The following CAMKK1 variants were observed in gnomAD, a reference collection of about 807,000 sequenced individuals.
The protein encoded by CAMKK1 is calcium/calmodulin-dependent protein kinase kinase 1.
Under a neutral mutation model 63.5 loss-of-function variants are expected in CAMKK1, and 20 were observed. That is an observed-to-expected ratio of 0.32 (90% CI 0.22 to 0.46). The LOEUF (loss-of-function observed/expected upper bound fraction) is 0.46. CAMKK1 is among the 20% of genes least tolerant of loss of function. CAMKK1 has a pLI of 1.00. For synonymous variants in CAMKK1, 253 were observed against 269.0 expected (o/e 0.94, Z 0.58); for missense variants, 588 against 658.1 (o/e 0.89, Z 1.17).
Position 3,885,218 on chromosome 17 carries a change from G to C in CAMKK1, c.360+110C>G, listed in dbSNP as rs185111466. On this transcript the variant is annotated intron_variant, in intron 2 of 15. Coordinates refer to ENST00000348335, the MANE Select transcript of CAMKK1 (RefSeq NM_032294.3). ...GGTAGTGATCTCCCCAGCTCTGAGG[G>C]TATGCAAACCAAAGCTAGATAGCCG... 2.3e-5 allele frequency: 28 copies of C among 1,242,856 alleles called. No individual in the cohort carries two copies. The East Asian group carries it at 6.9e-4, about 30-fold the overall frequency. 77.0% of individuals were successfully genotyped at this position (1,242,856 alleles called of 1,614,324 possible).
At position 3,882,396 on chromosome 17, in the gene CAMKK1, G is replaced by T. The variant is rs1269179491; in HGVS notation, c.685+132C>A. On this transcript the variant is annotated intron_variant, in intron 7 of 15. Coordinates refer to ENST00000348335, the MANE Select transcript of CAMKK1 (RefSeq NM_032294.3). The surrounding 1 kb of genome is among the most constrained non-coding windows in gnomAD (Gnocchi z 4.3). ...CTGGGCAAGGGAATCCAGGGCTTCA[G>T]AACGTGTGTTTTTCTTCTGTCCCCA... 1 of 1,597,736 alleles carries T rather than the reference G, an allele frequency of 6.3e-7. No individual in the cohort carries two copies. Among genetic ancestry groups the T allele is most frequent in the Non-Finnish European group, 8.6e-7 (1 of 1,165,332 alleles).
rs1327988179 is a variant in CAMKK1, at chr17:3,889,800, G to A, written c.-44+3139C>T. Among the ~76,000 whole-genome samples, 2 of 152,254 alleles carry A rather than the reference G, an allele frequency of 1.3e-5. No homozygotes were observed. The highest frequency in any genetic ancestry group is 2.4e-5 in the African/African-American group (1 of 41,530). ...CAAGGAATGTGGGCCCCCGGCTCCA[G>A]ACGCCCACTTGGCCTGGCTTCTTCC... is the stretch of plus-strand genomic sequence containing the variant. On this transcript the variant is annotated intron_variant, in intron 1 of 15. Coordinates refer to ENST00000348335, the MANE Select transcript of CAMKK1 (RefSeq NM_032294.3). The surrounding 1 kb of genome is among the most constrained non-coding windows in gnomAD (Gnocchi z 5.2).
At position 3,890,537 on chromosome 17, in the gene CAMKK1, C is replaced by T. The variant is rs190865773; in HGVS notation, c.-44+2402G>A. Among the ~76,000 whole-genome samples the T allele has an allele frequency of 6.6e-6, 1 of 152,302 alleles. No homozygotes were observed. Among genetic ancestry groups the T allele is most frequent in the African/African-American group, 2.4e-5 (1 of 41,556 alleles). The stretch of plus-strand genomic sequence containing the variant: ...ACAGGCCCCAGATTCAACTCAGCAT[C>T]TTCCCCAAACCTGCTCGTCCTCCTC... On this transcript the variant is annotated intron_variant, in intron 1 of 15. Coordinates refer to ENST00000348335, the MANE Select transcript of CAMKK1 (RefSeq NM_032294.3). The surrounding 1 kb of genome is among the most constrained non-coding windows in gnomAD (Gnocchi z 6.5).
chr17:3,874,562 G>A (rs987162335), intron 10 of CAMKK1, among the ~76,000 whole-genome samples: 18 of 151,282 alleles, frequency 1.2e-4, no homozygotes, highest in Non-Finnish European at 2.1e-4. Flanking sequence ...TAGTAGAGAC[G>A]GGGTTTCACC....
At chr17:3,873,237 G>A (rs748344666) in intron 11 of CAMKK1, among the ~76,000 whole-genome samples, 172 bp downstream of exon 11, 15 of 152,188 alleles carry the variant, frequency 9.9e-5, no homozygotes, top group Admixed American at 7.9e-4. Context: ...CGCGAGAATC[G>A]CTCCGCAGGG....
chr17:3,882,706 G>T lies in CAMKK1; in HGVS notation c.649-142C>A. On this transcript the variant is annotated intron_variant, in intron 6 of 15. Coordinates refer to ENST00000348335, the MANE Select transcript of CAMKK1 (RefSeq NM_032294.3). The surrounding 1 kb of genome is among the most constrained non-coding windows in gnomAD (Gnocchi z 4.3). ...CAAGGAAGCAGGAAGTGTACAGGTGGTGCCAGACTGATGGGGCCTCAGAAG... is the reference window on the plus strand; with the variant it reads ...CAAGGAAGCAGGAAGTGTACAGGTGTTGCCAGACTGATGGGGCCTCAGAAG... The T allele has an allele frequency of 1.2e-6, 1 of 818,686 alleles. No individual in the cohort carries two copies. Among genetic ancestry groups the T allele is most frequent in the Non-Finnish European group, 2.0e-6 (1 of 507,956 alleles). The allele number at this position is 818,686 out of a possible 1,614,324, so 50.7% of individuals were successfully genotyped here.
intron 1 of CAMKK1, among the ~76,000 whole-genome samples, chr17:3,888,743 A>G (rs1002849354): frequency 6.6e-6 from 1 of 151,920 alleles, no homozygotes; most frequent in Non-Finnish European, 1.5e-5. Context: ...TCCCGCCTGG[A>G]TCAAATTCAG....
chr17:3,865,844 G>A (rs1014012059), intron 15 of CAMKK1, 64 bp downstream of exon 15: 4 of 1,601,728 alleles, frequency 2.5e-6, no homozygotes, highest in Non-Finnish European at 3.4e-6. Context: ...TGGGAGGATG[G>A]GCCTCAGACC....
In CAMKK1 at chr17:3,882,597, T is replaced by C; in HGVS notation, c.649-33A>G. 6.3e-7 allele frequency: 1 copy of C among 1,580,052 alleles called. No homozygotes were observed. Among genetic ancestry groups the C allele is most frequent in the Admixed American group, 1.8e-5 (1 of 55,034 alleles). ...GAGGGAGCAGACATGGGGGTGGGGC[T>C]TGAGGAGGCGTGGGGTTGGAGGTCC... On this transcript the variant is annotated intron_variant, in intron 6 of 15. Transcript: ENST00000348335. This position sits in a 1 kb window ranked among gnomAD's most constrained non-coding sequence, Gnocchi z 4.3.
At position 3,890,610 on chromosome 17, in the gene CAMKK1, C is replaced by T. The variant is rs534936669; in HGVS notation, c.-44+2329G>A. 1 of 778,976 alleles carries T rather than the reference C, an allele frequency of 1.3e-6. No individual in the cohort carries two copies. The highest frequency in any genetic ancestry group is 1.7e-5 in the African/African-American group (1 of 59,254). 48.3% of individuals were successfully genotyped at this position (778,976 alleles called of 1,614,324 possible). The stretch of plus-strand genomic sequence containing the variant: ...CCACACCCTCCCCATTCTTTCCTGA[C>T]CCAGGTCAGCAATCCGGGAGCCCTC... On this transcript the variant is annotated intron_variant, in intron 1 of 15. Transcript: ENST00000348335. This position sits in a 1 kb window ranked among gnomAD's most constrained non-coding sequence, Gnocchi z 6.5.
Position 3,876,388 on chromosome 17 carries a change from C to T in CAMKK1, c.831G>A (p.Lys277=), listed in dbSNP as rs762711219. The T allele has an allele frequency of 2.0e-5, 33 of 1,614,234 alleles. No individual in the cohort carries two copies. The East Asian group carries it at 7.4e-4, about 36-fold the overall frequency. Residue 277 remains lysine, a synonymous_variant, in exon 10 of 16, where the codon AAG becomes AAA. Transcript: ENST00000348335. ...HCQKIVHRDI[K]PSNLLLGDDG... ...CATCCCCCAGGAGCAGGTTGGATGG[C>T]TTGATGTCCCTGTGGACGATCTTCT...
chr17:3,869,641 AG>A (rs1567615659), intron 13 of CAMKK1, 26 bp from the exon 14 acceptor site: 30 of 1,613,802 alleles, frequency 1.9e-5, no homozygotes, highest in Admixed American at 6.7e-5. Flanking sequence ...GGGCAGGGAG[AG>A]GGGGAGAGGT....
At position 3,866,031 on chromosome 17, in the gene CAMKK1, G is replaced by T. The variant is rs556365899; in HGVS notation, c.1342-20C>A. ...CAGGATCTGAGGAGGACAAGGCAGC[G>T]TGAGGAGCACAGGTCCCAGGCTCCC... is the stretch of plus-strand genomic sequence containing the variant. On this transcript the variant is annotated intron_variant, in intron 14 of 15. Transcript: ENST00000348335. 20 of 1,612,204 alleles carry T rather than the reference G, an allele frequency of 1.2e-5. No homozygotes were observed. Among genetic ancestry groups the T allele is most frequent in the South Asian group, 5.5e-5 (5 of 90,732 alleles).
rs563258669 is a variant in CAMKK1, at chr17:3,890,323, A to C, written c.-44+2616T>G. On this transcript the variant is annotated intron_variant, in intron 1 of 15. Transcript: ENST00000348335. This position sits in a 1 kb window ranked among gnomAD's most constrained non-coding sequence, Gnocchi z 6.5. The stretch of plus-strand genomic sequence containing the variant: ...ATCCCTGGGGAGCCCCCAAGCACCA[A>C]TACGGGCTGTTGCCTGACTCAGCAC... Among the ~76,000 whole-genome samples, 1 of 152,120 alleles carries C rather than the reference A, an allele frequency of 6.6e-6. No individual in the cohort carries two copies. The highest frequency in any genetic ancestry group is 2.4e-5 in the African/African-American group (1 of 41,420).
In CAMKK1 at chr17:3,869,884, C is replaced by G. The variant is rs1345224644; in HGVS notation, c.1129G>C (p.Glu377Gln). 1 of 1,614,038 alleles carries G rather than the reference C, an allele frequency of 6.2e-7. No individual in the cohort carries two copies. Among genetic ancestry groups the G allele is most frequent in the Non-Finnish European group, 8.5e-7 (1 of 1,179,990 alleles). Residue 377 changes from glutamate to glutamine, a missense_variant, in exon 13 of 16, where the codon GAA (glutamate) becomes CAA (glutamine). Glu to Gln is a conservative substitution (Grantham distance 29). Transcript: ENST00000348335. Reference sequence around the variant, plus strand: ...AGGTCCTTGAGCTCCTCGCTGATTTCTGGCCTGGAGAGGGCGAAGGAAGGA... The same window carrying G: ...AGGTCCTTGAGCTCCTCGCTGATTTGTGGCCTGGAGAGGGCGAAGGAAGGA... ...NEPVVFPEEP[E>Q]ISEELKDLIL... is the part of the protein sequence containing the mutation.
chr17:3,873,473 A>G lies in CAMKK1; in HGVS notation c.997-11T>C, dbSNP rs2054988807. The G allele has an allele frequency of 6.2e-7, 1 of 1,614,004 alleles. No homozygotes were observed. The highest frequency in any genetic ancestry group is 8.5e-7 in the Non-Finnish European group (1 of 1,179,934). ...CCATACATCCAAGGCCTGGAAAGAA[A>G]CATGCTCACATCAGTCCCCAACAGG... On this transcript the variant is annotated splice_polypyrimidine_tract_variant and intron_variant, in intron 10 of 15. Transcript: ENST00000348335.
intron 15 of CAMKK1, 30 bp downstream of exon 15, chr17:3,865,878 C>G: frequency 6.2e-7 from 1 of 1,613,326 alleles, no homozygotes; most frequent in South Asian, 1.1e-5. Flanking sequence ...CCAGGGAGTG[C>G]CCGGCAGTCC....
At chr17:3,880,669 C>G (rs2055370265) in intron 8 of CAMKK1, among the ~76,000 whole-genome samples, 2 of 152,100 alleles carry the variant, frequency 1.3e-5, no homozygotes, top group South Asian at 4.1e-4. Context: ...ATTCCTTCTT[C>G]TAAGTACTTA....
In CAMKK1 at chr17:3,890,299, T is replaced by A. The variant is rs1047046487; in HGVS notation, c.-44+2640A>T. Among the ~76,000 whole-genome samples the A allele has an allele frequency of 6.6e-6, 1 of 152,084 alleles. No homozygotes were observed. The highest frequency in any genetic ancestry group is 1.5e-5 in the Non-Finnish European group (1 of 68,000). On this transcript the variant is annotated intron_variant, in intron 1 of 15. Coordinates refer to ENST00000348335, the MANE Select transcript of CAMKK1 (RefSeq NM_032294.3). The surrounding 1 kb of genome is among the most constrained non-coding windows in gnomAD (Gnocchi z 6.5). ...GCTGTGAGGACGCCCGCTCCCACCA[T>A]CCCTGGGGAGCCCCCAAGCACCAAT...
Sources: allele counts gnomAD v4.1 joint callset (sites outside exome capture counted in the v4.1 genomes callset), GRCh38; gene constraint gnomAD v4.1.1; non-coding constraint Gnocchi (gnomAD v3.1); transcripts MANE v1.5; gene names NCBI Gene and HGNC (gene_info 2026-07-23, HGNC 2026-07-21).